WWOX: variants seen among roughly 807,000 people sequenced by gnomAD.
WWOX encodes WW domain-containing oxidoreductase.
Under a neutral mutation model 46.2 loss-of-function variants are expected in WWOX, and 69 were observed. The ratio of observed to expected loss-of-function variants is 1.49; its 90% CI spans 1.23 to 1.82. The LOEUF (loss-of-function observed/expected upper bound fraction) is 1.82, where lower values mean the gene tolerates loss of function less well. Among genes scored for constraint, WWOX ranks in the 40% most tolerant of loss-of-function variants. The probability of loss-of-function intolerance (pLI) is 0.00; values close to 1 mark genes in which losing one functional copy is unlikely to be tolerated. For synonymous variants in WWOX, 359 were observed against 202.6 expected, an observed-to-expected ratio of 1.77 and a Z score of -6.56; for missense variants, 919 against 542.6, an observed-to-expected ratio of 1.69 and a Z score of -6.89.
intron 5 of WWOX, among the ~76,000 whole-genome samples, chr16:78,210,510 C>CTCTCTCTCTCTTTCTCTG (rs1025922886): frequency 9.2e-5 from 14 of 151,890 alleles, no homozygotes; most frequent in Admixed American, 3.3e-4. Context: ...CAGACACACA[C>CTCTCTCTCTCTTTCTCTG]TCTCTCTCTC....
chr16:78,108,048 C>G (rs2032260541), intron 1 of WWOX, among the ~76,000 whole-genome samples: 1 of 151,794 alleles, frequency 6.6e-6, no homozygotes, highest in Non-Finnish European at 1.5e-5. Flanking sequence ...CCTGCCTCAG[C>G]CTCCCGAGTA....
intron 5 of WWOX, among the ~76,000 whole-genome samples, chr16:78,236,435 A>C (rs7204887): frequency 0.31 from 47,665 of 152,022 alleles, 7,823 homozygotes; most frequent in Admixed American, 0.38. Flanking sequence ...TGACAGACAC[A>C]TTAAGAGCTT....
intron 8 of WWOX, among the ~76,000 whole-genome samples, chr16:79,075,429 A>T (rs1035135904): frequency 5.3e-5 from 8 of 152,070 alleles, no homozygotes; most frequent in Non-Finnish European, 1.2e-4. Context: ...CCTATACCTA[A>T]GTTTTTATTT....
intron 8 of WWOX, among the ~76,000 whole-genome samples, chr16:78,481,736 TG>T (rs2084493955): frequency 7.0e-6 from 1 of 143,604 alleles, no homozygotes; most frequent in African/African-American, 2.8e-5. Flanking sequence ...TGTGTGTGTG[TG>T]TGTGTGTGTG....
intron 4 of WWOX, among the ~76,000 whole-genome samples, chr16:78,127,051 G>A (rs2033391826): frequency 6.6e-6 from 1 of 152,200 alleles, no homozygotes; most frequent in Non-Finnish European, 1.5e-5. Flanking sequence ...CTGGAAAGAT[G>A]TAGGAGAGGA....
chr16:78,711,936 A>G lies in WWOX; in HGVS notation c.1056+279184A>G, dbSNP rs534852651. ...GAACAAAGCTCTCTTGGAAAAGGAA[A>G]GAGCATCTCTTTCAGGAGCTTCCCT... On this transcript the variant is annotated intron_variant, in intron 8 of 8. Transcript: ENST00000566780. 3.9e-5 allele frequency among the ~76,000 whole-genome samples: 6 copies of G among 152,328 alleles called. No individual in the cohort carries two copies. In the East Asian group the frequency reaches 1.2e-3, roughly 29 times the overall value.
At chr16:78,506,870 G>A (rs1164101833) in intron 8 of WWOX, among the ~76,000 whole-genome samples, 4 of 151,860 alleles carry the variant, frequency 2.6e-5, no homozygotes, top group South Asian at 2.1e-4. Context: ...CTACCACCAC[G>A]CCTGGCTAAT....
chr16:78,634,511 G>T (rs961470745), intron 8 of WWOX, among the ~76,000 whole-genome samples: 10 of 151,990 alleles, frequency 6.6e-5, no homozygotes, highest in African/African-American at 2.2e-4. Context: ...TTCGAGACCA[G>T]CCTGGCCAAC....
chr16:79,197,016 C>T (rs879293728), intron 8 of WWOX, among the ~76,000 whole-genome samples: 2 of 152,058 alleles, frequency 1.3e-5, no homozygotes, highest in Admixed American at 1.3e-4. Context: ...AACGTTGCAA[C>T]GTTTCTAGAA....
chr16:78,757,581 AGGT>A (rs1252962874), intron 8 of WWOX, among the ~76,000 whole-genome samples: 1 of 152,222 alleles, frequency 6.6e-6, no homozygotes, highest in African/African-American at 2.4e-5. Context: ...GTATTAAAGC[AGGT>A]GGTGTATTTT....
At chr16:78,806,372 A>C (rs1223514396) in intron 8 of WWOX, among the ~76,000 whole-genome samples, 1 of 152,194 alleles carries the variant, frequency 6.6e-6, no homozygotes, top group Non-Finnish European at 1.5e-5. Context: ...CCCCAAATTT[A>C]GTGGCTTAAA....
chr16:79,144,128 G>T (rs896407667), intron 8 of WWOX, among the ~76,000 whole-genome samples: 1 of 152,084 alleles, frequency 6.6e-6, no homozygotes, highest in African/African-American at 2.4e-5. Context: ...TGAACTCCTG[G>T]CCTCAAAGCG....
At chr16:78,641,193 A>G (rs2046699988) in intron 8 of WWOX, among the ~76,000 whole-genome samples, 2 of 152,004 alleles carry the variant, frequency 1.3e-5, no homozygotes, top group African/African-American at 4.8e-5. Flanking sequence ...AAAGCCTTTC[A>G]CGCTGTGTTT....
At chr16:78,186,799 T>C (rs1468304155) in intron 5 of WWOX, among the ~76,000 whole-genome samples, 2 of 152,184 alleles carry the variant, frequency 1.3e-5, no homozygotes, top group African/African-American at 4.8e-5. Flanking sequence ...TGTTTTAAAA[T>C]AAGTTTAGAT....
chr16:79,074,941 G>T (rs1339462722), intron 8 of WWOX, among the ~76,000 whole-genome samples: 1 of 152,028 alleles, frequency 6.6e-6, no homozygotes, highest in Non-Finnish European at 1.5e-5. Flanking sequence ...AGATGTGAGG[G>T]AAGGACATTG....
intron 8 of WWOX, among the ~76,000 whole-genome samples, chr16:78,541,296 A>G (rs1390530070): frequency 2.6e-5 from 4 of 151,066 alleles, no homozygotes; most frequent in African/African-American, 4.9e-5. Flanking sequence ...AAAACGGTGA[A>G]ACCCCGTCTC....
intron 5 of WWOX, among the ~76,000 whole-genome samples, chr16:78,332,611 A>G (rs2080786864): frequency 6.6e-6 from 1 of 152,132 alleles, no homozygotes; most frequent in Non-Finnish European, 1.5e-5. Context: ...AGGTAAACTG[A>G]TTTTTTGGGT....
intron 8 of WWOX, among the ~76,000 whole-genome samples, chr16:78,740,022 C>T (rs945153965): frequency 1.3e-5 from 2 of 152,114 alleles, no homozygotes; most frequent in Non-Finnish European, 2.9e-5. Flanking sequence ...TGGTGTGCCT[C>T]CTGCTGTCAC....
In WWOX at chr16:78,912,568, T is replaced by C. The variant is rs532684309; in HGVS notation, c.1057-299040T>C. On this transcript the variant is annotated intron_variant, in intron 8 of 8. Transcript: ENST00000566780. ...CTTGTTGGAGACAAAACCAGCAGGG[T>C]TATATCCCCAGCACTGTAATTTAGT... Among the ~76,000 whole-genome samples the C allele has an allele frequency of 3.5e-4, 53 of 152,106 alleles. 1 individual carries two copies. The highest frequency in any genetic ancestry group is 6.2e-4 in the South Asian group (3 of 4,822).
Sources: allele counts gnomAD v4.1 joint callset (sites outside exome capture counted in the v4.1 genomes callset), GRCh38; gene constraint gnomAD v4.1.1; transcripts MANE v1.5; gene names NCBI Gene and HGNC (gene_info 2026-07-23, HGNC 2026-07-21).